Variants in XRN1 observed in about 807,000 individuals in gnomAD.
The protein encoded by XRN1 is strand-exchange protein 1 homolog.
A neutral mutation model predicts 222.3 loss-of-function variants in XRN1; 67 were observed. The ratio of observed to expected loss-of-function variants is 0.30; its 90% confidence interval spans 0.25 to 0.37. The LOEUF (loss-of-function observed/expected upper bound fraction) is 0.37, where lower values mean the gene tolerates loss of function less well. Among genes scored for constraint, XRN1 ranks in the 10% least tolerant of loss-of-function variants. The pLI is 1.00. For synonymous variants in XRN1, 643 were observed against 652.4 expected (o/e 0.99, Z 0.22); for missense variants, 1,707 against 2,000.2 (o/e 0.85, Z 2.80).
rs1416556942 is a variant in XRN1, at chr3:142,309,752, T to A, written c.*1759A>T. The A allele has an allele frequency of 6.6e-6, 1 of 152,120 alleles. No individual in the cohort carries two copies. Among genetic ancestry groups the A allele is most frequent in the East Asian group, 1.9e-4 (1 of 5,198 alleles). 9.4% of individuals were successfully genotyped at this position (152,120 alleles called of 1,614,324 possible). On this transcript the variant is annotated 3_prime_UTR_variant, in exon 41 of 41. Transcript: ENST00000392981. Reference sequence around the variant, plus strand: ...GTGAGGCAAATTCTCAATGCTGGAGTTTGTACAGCTGAGGTGAAACATTTC... The same window carrying A: ...GTGAGGCAAATTCTCAATGCTGGAGATTGTACAGCTGAGGTGAAACATTTC...
intron 19 of XRN1, among the ~76,000 whole-genome samples, chr3:142,399,913 TAA>T (rs2068065314): frequency 1.3e-5 from 2 of 149,892 alleles, no homozygotes; most frequent in Admixed American, 6.6e-5. Context: ...ATATGAAAAA[TAA>T]AATATAAGAA....
chr3:142,416,388 G>T (rs1345900691), intron 13 of XRN1, among the ~76,000 whole-genome samples: 2 of 152,066 alleles, frequency 1.3e-5, no homozygotes, highest in South Asian at 4.1e-4. Flanking sequence ...TCACCATGTT[G>T]GCCAGGCTAG....
intron 20 of XRN1, among the ~76,000 whole-genome samples, chr3:142,387,225 CTG>C (rs899734361): frequency 5.9e-5 from 9 of 152,284 alleles, no homozygotes; most frequent in Non-Finnish European, 1.2e-4. Context: ...AGAATACACT[CTG>C]TGTGAATGAA....
intron 2 of XRN1, among the ~76,000 whole-genome samples, chr3:142,432,241 A>AT (rs2069658044): frequency 9.4e-6 from 1 of 106,656 alleles, no homozygotes; most frequent in African/African-American, 4.9e-5. Flanking sequence ...ATATATATAT[A>AT]AAATTTATTT....
At chr3:142,408,578 C>T (rs2068441156) in intron 15 of XRN1, among the ~76,000 whole-genome samples, 1 of 152,198 alleles carries the variant, frequency 6.6e-6, no homozygotes, top group Non-Finnish European at 1.5e-5. Context: ...ATTAGGGATG[C>T]TTAATCTGTA....
intron 33 of XRN1, among the ~76,000 whole-genome samples, chr3:142,340,975 T>C (rs373986050): frequency 2.0e-5 from 3 of 152,262 alleles, no homozygotes; most frequent in East Asian, 1.9e-4. Flanking sequence ...AAGACATTAT[T>C]TGAAGGCACA....
intron 33 of XRN1, among the ~76,000 whole-genome samples, chr3:142,336,430 A>AT (rs2065853271): frequency 6.7e-6 from 1 of 149,358 alleles, no homozygotes; most frequent in East Asian, 2.0e-4. Flanking sequence ...AGAGAAGAGG[A>AT]AAAAGGAAGG....
intron 1 of XRN1, among the ~76,000 whole-genome samples, chr3:142,443,028 C>T (rs557237660): frequency 1.1e-4 from 17 of 152,278 alleles, no homozygotes; most frequent in Admixed American, 1.3e-4. Flanking sequence ...CCACCGCGCC[C>T]GGCCCAATCC....
At chr3:142,341,210 TTGTTAAG>T (rs1490164823) in intron 33 of XRN1, among the ~76,000 whole-genome samples, 3 of 152,122 alleles carry the variant, frequency 2.0e-5, no homozygotes, top group Non-Finnish European at 4.4e-5. Context: ...GCAAGCAGTG[TTGTTAAG>T]TGTTAAGTTG....
intron 33 of XRN1, among the ~76,000 whole-genome samples, chr3:142,338,318 T>A (rs939590783): frequency 6.6e-6 from 1 of 152,158 alleles, no homozygotes; most frequent in African/African-American, 2.4e-5. Context: ...ATTTCAGGCC[T>A]TAGCACTCCT....
intron 32 of XRN1, among the ~76,000 whole-genome samples, chr3:142,353,267 T>C (rs1213834995): frequency 6.6e-6 from 1 of 152,188 alleles, no homozygotes; most frequent in Non-Finnish European, 1.5e-5. Context: ...AAATTATCTA[T>C]ACTCTCGACT....
At chr3:142,373,469 G>T (rs1364165439) in intron 25 of XRN1, among the ~76,000 whole-genome samples, 1 of 152,014 alleles carries the variant, frequency 6.6e-6, no homozygotes, top group Admixed American at 6.6e-5. Context: ...CAGAATGGAA[G>T]GGCATCAGTT....
intron 39 of XRN1, among the ~76,000 whole-genome samples, chr3:142,316,950 T>C (rs1270274174): frequency 6.6e-6 from 1 of 152,146 alleles, no homozygotes; most frequent in Non-Finnish European, 1.5e-5. Flanking sequence ...TCTGAAAATA[T>C]CTTTGTGTCT....
chr3:142,331,172 T>G lies in XRN1; in HGVS notation c.4222+1203A>C, dbSNP rs114276767. Among the ~76,000 whole-genome samples, 436 of 152,332 alleles carry G rather than the reference T, an allele frequency of 2.9e-3. 1 individual carries two copies. The highest frequency in any genetic ancestry group is 0.01 in the African/African-American group (419 of 41,588). ...AGATCTGCTTATTCCAAAATGTTTT[T>G]GACTTCTCTGAGAAACTTCTGCCCA... is the stretch of plus-strand genomic sequence containing the variant. On this transcript the variant is annotated intron_variant, in intron 36 of 40. Coordinates refer to ENST00000392981, the MANE Select transcript of XRN1 (RefSeq NM_001282857.2).
intron 2 of XRN1, among the ~76,000 whole-genome samples, chr3:142,431,779 T>C (rs1201672896): frequency 1.4e-5 from 2 of 139,378 alleles, no homozygotes; most frequent in Admixed American, 7.8e-5. Flanking sequence ...ATCGCGCCAC[T>C]GCACTCCAGC....
rs1376166011 is a variant in XRN1, at chr3:142,309,904, G to A, written c.*1607C>T. The A allele has an allele frequency of 2.0e-5, 3 of 152,372 alleles. No homozygotes were observed. The highest frequency in any genetic ancestry group is 7.2e-5 in the African/African-American group (3 of 41,442). 9.4% of individuals were successfully genotyped at this position (152,372 alleles called of 1,614,324 possible). A position where few individuals can be genotyped will look rare whatever the true frequency, so the allele number is the denominator to read the frequency against. On this transcript the variant is annotated 3_prime_UTR_variant, in exon 41 of 41. Coordinates refer to ENST00000392981, the MANE Select transcript of XRN1 (RefSeq NM_001282857.2). ...TTATGAGGCAATAATTATACACATT[G>A]AGGATTTACTTGAGCCTCATTACTC...
At chr3:142,332,668 G>T in intron 35 of XRN1, 134 bp from the exon 36 acceptor site, 1 of 867,034 alleles carries the variant, frequency 1.2e-6, no homozygotes, top group Non-Finnish European at 1.6e-6. Context: ...CATTCAGATA[G>T]AAACTGAAAA....
In XRN1 at chr3:142,312,632, G is replaced by A. The variant is rs374711036; in HGVS notation, c.4748C>T (p.Pro1583Leu). The change falls in exon 40 of 41, where the codon CCA becomes CTA. Residue 1583 changes from proline (P) to leucine (L), a missense_variant. Physicochemically the swap from Pro to Leu is moderately conservative, Grantham distance 98. Transcript: ENST00000392981. ...TATAAACTGATTGTGCACACCCCCT[G>A]GTATTCCCCCAGCCATGGGCATGGT... Reference protein sequence around the residue: ...SGTMPMAGGIPGGVHNQFIPL... With the variant: ...SGTMPMAGGILGGVHNQFIPL... The A allele has an allele frequency of 9.3e-6, 15 of 1,612,976 alleles. No individual in the cohort carries two copies. The highest frequency in any genetic ancestry group is 1.2e-5 in the Non-Finnish European group (14 of 1,179,248).
intron 29 of XRN1, among the ~76,000 whole-genome samples, chr3:142,363,230 G>A (rs959734529): frequency 1.3e-5 from 2 of 151,594 alleles, no homozygotes; most frequent in Non-Finnish European, 2.9e-5. Context: ...GTAAGGTAAG[G>A]AGTTGTGGAT....
Sources: allele counts gnomAD v4.1 joint callset (sites outside exome capture counted in the v4.1 genomes callset), GRCh38; gene constraint gnomAD v4.1.1; transcripts MANE v1.5; gene names NCBI Gene and HGNC (gene_info 2026-07-23, HGNC 2026-07-21).